RALGAPA1: variants seen among roughly 807,000 people sequenced by gnomAD.
The protein encoded by RALGAPA1 is ral GTPase-activating protein subunit alpha-1.
Under a neutral mutation model 269.6 loss-of-function variants are expected in RALGAPA1, and 52 were observed. The ratio of observed to expected loss-of-function variants is 0.19; its 90% CI spans 0.15 to 0.24. The LOEUF (loss-of-function observed/expected upper bound fraction) is 0.24, where lower values mean the gene tolerates loss of function less well. Ranked by LOEUF, RALGAPA1 falls within the 10% of genes least tolerant of loss-of-function variation. The pLI is 1.00. For synonymous variants in RALGAPA1, 817 were observed against 1,008.3 expected (o/e 0.81, Z 3.60); for missense variants, 1,917 against 3,013.9 (o/e 0.64, Z 8.52).
chr14:35,719,244 T>C (rs888953356), intron 16 of RALGAPA1, among the ~76,000 whole-genome samples: 4 of 152,128 alleles, frequency 2.6e-5, no homozygotes, highest in African/African-American at 9.7e-5. Flanking sequence ...GAGAATCACT[T>C]GAACCCAGGA....
At chr14:35,680,815 C>T (rs997861426) in intron 21 of RALGAPA1, among the ~76,000 whole-genome samples, 12 of 151,776 alleles carry the variant, frequency 7.9e-5, no homozygotes, top group African/African-American at 2.7e-4. Context: ...GGGGTTTCAC[C>T]GTGTTAGCCA....
rs559003323 is a variant in RALGAPA1, at chr14:35,573,086, T to C, written c.7210-368A>G. Among the ~76,000 whole-genome samples, 5 of 152,316 alleles carry C rather than the reference T, an allele frequency of 3.3e-5. No homozygotes were observed. In the South Asian group the frequency reaches 1.0e-3, roughly 32 times the overall value. On this transcript the variant is annotated intron_variant, in intron 37 of 41. Transcript: ENST00000680220. ...TAATCCCCAGTTGAGTAAGAGAAAG[T>C]TGATTATGTTTCGTTTAACGAATTT... is the stretch of plus-strand genomic sequence containing the variant.
At chr14:35,559,623 CGTGCACTGTGATATGACCCAACT>C (rs2055979054) in intron 39 of RALGAPA1, among the ~76,000 whole-genome samples, 1 of 152,154 alleles carries the variant, frequency 6.6e-6, no homozygotes, top group African/African-American at 2.4e-5. Flanking sequence ...TCTTTCTTCT[CGTGCACTGTGATATGACCCAACT>C]GTCCAGATTG....
At chr14:35,724,657 G>C (rs1300326986) in intron 14 of RALGAPA1, among the ~76,000 whole-genome samples, 1 of 152,072 alleles carries the variant, frequency 6.6e-6, no homozygotes, top group Non-Finnish European at 1.5e-5. Context: ...CAGTCCCAGA[G>C]ATACGGAAAC....
At chr14:35,670,293 C>T (rs2064295383) in intron 26 of RALGAPA1, among the ~76,000 whole-genome samples, 1 of 152,182 alleles carries the variant, frequency 6.6e-6, no homozygotes, top group African/African-American at 2.4e-5. Flanking sequence ...GTATGTTAAA[C>T]TGCTCTTCAA....
At chr14:35,733,313 A>C (rs1302414839) in intron 12 of RALGAPA1, among the ~76,000 whole-genome samples, 1 of 152,150 alleles carries the variant, frequency 6.6e-6, no homozygotes, top group East Asian at 1.9e-4. Context: ...CCCCGTCTCT[A>C]CTAAAAATAC....
intron 3 of RALGAPA1, among the ~76,000 whole-genome samples, chr14:35,773,073 A>G (rs986650577): frequency 2.0e-5 from 3 of 152,236 alleles, no homozygotes; most frequent in African/African-American, 7.2e-5. Flanking sequence ...AGATAAACTT[A>G]TAGAAAAGTT....
Position 35,770,942 on chromosome 14 carries a change from C to T in RALGAPA1, c.325G>A (p.Gly109Arg). The change falls in exon 4 of 42, where the codon GGA becomes AGA. Residue 109 changes from glycine (G) to arginine (R), a missense_variant and splice_region_variant. Physicochemically the swap from Gly to Arg is moderately radical, Grantham distance 125. Coordinates refer to ENST00000680220, the MANE Select transcript of RALGAPA1 (RefSeq NM_001346249.2). ...IHQRWQFHSI[G>R]LILKKLLHTG... Reference sequence around the variant, plus strand: ...TGAAATACATATTTGAATTACTTACCAATACTATGAAACTGCCATCGCTGA... The same window carrying T: ...TGAAATACATATTTGAATTACTTACTAATACTATGAAACTGCCATCGCTGA... 4.6e-6 allele frequency: 6 copies of T among 1,300,402 alleles called. No individual in the cohort carries two copies. The highest frequency in any genetic ancestry group is 2.0e-4 in the Middle Eastern group (1 of 5,064). The allele number at this position is 1,300,402 out of a possible 1,614,324, so 80.6% of individuals were successfully genotyped here.
At chr14:35,546,517 ATAGG>A (rs1439703181) in intron 41 of RALGAPA1, among the ~76,000 whole-genome samples, 1 of 151,808 alleles carries the variant, frequency 6.6e-6, no homozygotes, top group Non-Finnish European at 1.5e-5. Context: ...TAATTATGTT[ATAGG>A]GTTGGTTAGA....
At chr14:35,601,910 A>C (rs1007103506) in intron 36 of RALGAPA1, among the ~76,000 whole-genome samples, 3 of 152,160 alleles carry the variant, frequency 2.0e-5, no homozygotes, top group Non-Finnish European at 4.4e-5. Context: ...ACTACAGTCA[A>C]TTATAGAACA....
chr14:35,683,570 T>A (rs1484293170), intron 21 of RALGAPA1: 3 of 347,020 alleles, frequency 8.6e-6, no homozygotes, highest in Non-Finnish European at 1.6e-5. Context: ...TTCTAGTGCA[T>A]ATATATACAA....
At chr14:35,730,280 G>A (rs2141030968) in intron 12 of RALGAPA1, among the ~76,000 whole-genome samples, 1 of 152,302 alleles carries the variant, frequency 6.6e-6, no homozygotes, top group Non-Finnish European at 1.5e-5. Context: ...TGGCACCACA[G>A]GGATCCTTTG....
intron 21 of RALGAPA1, among the ~76,000 whole-genome samples, chr14:35,683,114 G>A (rs1273841163): frequency 6.6e-6 from 1 of 152,174 alleles, no homozygotes; most frequent in East Asian, 1.9e-4. Flanking sequence ...GCAAACTGTA[G>A]CCGGAACCAC....
intron 4 of RALGAPA1, among the ~76,000 whole-genome samples, chr14:35,765,093 T>C: frequency 6.6e-6 from 1 of 152,210 alleles, no homozygotes; most frequent in East Asian, 1.9e-4. Flanking sequence ...TTTATGATGT[T>C]CAAATGAACT....
Position 35,770,962 on chromosome 14 carries a change from C to T in RALGAPA1, c.305G>A (p.Arg102Gln), listed in dbSNP as rs750864485. 1.3e-5 allele frequency: 18 copies of T among 1,373,892 alleles called. No individual in the cohort carries two copies. Among genetic ancestry groups the T allele is most frequent in the African/African-American group, 2.9e-5 (2 of 68,010 alleles). The allele number at this position is 1,373,892 out of a possible 1,614,324, so 85.1% of individuals were successfully genotyped here. A position where few individuals can be genotyped will look rare whatever the true frequency, so the allele number is the denominator to read the frequency against. The change falls in exon 4 of 42, where the codon CGA becomes CAA. Residue 102 changes from arginine (R) to glutamine (Q), a missense_variant. Physicochemically the swap from Arg to Gln is conservative, Grantham distance 43. Transcript: ENST00000680220. The part of the protein sequence containing the change: ...LQLLPERIHQ[R>Q]WQFHSIGLIL... ...CTTACCAATACTATGAAACTGCCAT[C>T]GCTGATGAATTCTTTCTGGAAGAAG...
rs749707348 is a variant in RALGAPA1 at position 35,635,477 on chromosome 14, T to C, written c.5798A>G (p.Asn1933Ser). ...ESDKTEKSVL[N>S]CIYKVLHGCV... Reference sequence around the variant, plus strand: ...AAGGAAGTTTACCTTATAAATGCAATTGAGAACAGATTTTTCTGTTTTATC... The same window carrying C: ...AAGGAAGTTTACCTTATAAATGCAACTGAGAACAGATTTTTCTGTTTTATC... Residue 1933 changes from asparagine (N) to serine (S), a missense_variant, in exon 32 of 42, where the codon AAT (asparagine) becomes AGT (serine). By Grantham distance (46) the Asn-to-Ser change is conservative (BLOSUM62 1). Around this residue, in one of 11 missense-constraint regions of RALGAPA1, gnomAD observed 346 missense variants for 566.1 expected, o/e 0.61. Coordinates refer to ENST00000680220, the MANE Select transcript of RALGAPA1 (RefSeq NM_001346249.2). The C allele has an allele frequency of 9.4e-6, 15 of 1,596,940 alleles. No homozygotes were observed. Among genetic ancestry groups the C allele is most frequent in the Non-Finnish European group, 1.2e-5 (14 of 1,174,002 alleles).
chr14:35,607,414 T>C (rs2139230509), intron 35 of RALGAPA1, among the ~76,000 whole-genome samples: 1 of 152,304 alleles, frequency 6.6e-6, no homozygotes, highest in Middle Eastern at 3.4e-3. Flanking sequence ...AGAAGATCTA[T>C]TTTAGATAGG....
In RALGAPA1 at chr14:35,565,951, C is replaced by CA. The variant is rs957396808; in HGVS notation, c.7496+4665dup. On this transcript the variant is annotated intron_variant, in intron 39 of 41. Coordinates refer to ENST00000680220, the MANE Select transcript of RALGAPA1 (RefSeq NM_001346249.2). Reference sequence around the variant, plus strand: ...ATGATTCCCACTGAAAAAACAGAAACAAAAAAACCATGAACACTCTTTCAA... The same window carrying CA: ...ATGATTCCCACTGAAAAAACAGAAACAAAAAAAACCATGAACACTCTTTCAA... Among the ~76,000 whole-genome samples the CA allele has an allele frequency of 2.7e-4, 41 of 151,754 alleles. 1 individual carries two copies. The highest frequency in any genetic ancestry group is 2.5e-3 in the Admixed American group (38 of 15,236).
At chr14:35,595,595 T>C in intron 37 of RALGAPA1, 39 bp downstream of exon 37, 1 of 1,557,424 alleles carries the variant, frequency 6.4e-7, no homozygotes, top group Non-Finnish European at 8.8e-7. Context: ...CTGTCTCAAT[T>C]ATGAGCATTT....
Sources: allele counts gnomAD v4.1 joint callset (sites outside exome capture counted in the v4.1 genomes callset), GRCh38; gene constraint gnomAD v4.1.1; regional missense constraint gnomAD v4.1.1; transcripts MANE v1.5; gene names NCBI Gene and HGNC (gene_info 2026-07-23, HGNC 2026-07-21).